The following AKAP13 variants were observed in gnomAD, a reference collection of about 807,000 sequenced individuals.
AKAP13 encodes A-kinase anchoring protein 13, also known as A-kinase anchor protein 13.
AKAP13 carries 80 observed loss-of-function variants against 264.5 expected under a neutral mutation model. The observed-to-expected ratio is 0.30, with a 90% CI of 0.25 to 0.36. The LOEUF (loss-of-function observed/expected upper bound fraction) is 0.36, where lower values mean the gene tolerates loss of function less well. Ranked by LOEUF, AKAP13 falls within the 10% of genes least tolerant of loss-of-function variation. AKAP13 has a pLI of 1.00. For missense variants in AKAP13, 3,712 were observed against 3,435.2 expected (o/e 1.08, Z -2.01); for synonymous variants, 1,380 against 1,250.2 (o/e 1.10, Z -2.19).
At chr15:85,526,530 C>A (rs975574944) in intron 3 of AKAP13, among the ~76,000 whole-genome samples, 10 of 152,134 alleles carry the variant, frequency 6.6e-5, no homozygotes, top group African/African-American at 2.4e-4. Context: ...CTCCACCTAG[C>A]AAAGTGTTGG....
At chr15:85,536,739 G>A (rs1167639619) in intron 4 of AKAP13, 1 of 152,148 alleles carries the variant, frequency 6.6e-6, no homozygotes, top group African/African-American at 2.4e-5. Context: ...TCCATACTAT[G>A]TGATTCTATT....
chr15:85,387,057 C>T (rs1020224216), intron 1 of AKAP13, among the ~76,000 whole-genome samples: 39 of 151,822 alleles, frequency 2.6e-4, no homozygotes, highest in African/African-American at 8.5e-4. Context: ...AGGTCTCAGC[C>T]GGGTGTGGTG....
At chr15:85,435,338 GA>G (rs2073229804) in intron 1 of AKAP13, among the ~76,000 whole-genome samples, 1 of 133,294 alleles carries the variant, frequency 7.5e-6, no homozygotes, top group Non-Finnish European at 1.6e-5. Context: ...ATCTACGTCT[GA>G]TTGGTGTACC....
intron 1 of AKAP13, among the ~76,000 whole-genome samples, chr15:85,439,837 G>T (rs1373990404): frequency 9.7e-6 from 1 of 103,106 alleles, no homozygotes; most frequent in Non-Finnish European, 1.9e-5. Flanking sequence ...GGGGGAGGGG[G>T]GAGGGATAGC....
At chr15:85,699,966 C>T (rs1015654129) in intron 17 of AKAP13, among the ~76,000 whole-genome samples, 2 of 152,116 alleles carry the variant, frequency 1.3e-5, no homozygotes, top group African/African-American at 2.4e-5. Flanking sequence ...ATTTAAGAAC[C>T]GTTGGCTTAT....
intron 14 of AKAP13, among the ~76,000 whole-genome samples, chr15:85,674,779 T>C: frequency 6.6e-6 from 1 of 152,178 alleles, no homozygotes. Context: ...ATCTCTGTTT[T>C]CTGGATTTCT....
chr15:85,484,592 G>A (rs138890816), intron 1 of AKAP13, among the ~76,000 whole-genome samples: 1 of 152,310 alleles, frequency 6.6e-6, no homozygotes, highest in Non-Finnish European at 1.5e-5. Context: ...CATTTAGGAG[G>A]CTGATGTAGA....
At chr15:85,454,546 G>T (rs1046396219) in intron 1 of AKAP13, among the ~76,000 whole-genome samples, 1 of 151,952 alleles carries the variant, frequency 6.6e-6, no homozygotes, top group African/African-American at 2.4e-5. Flanking sequence ...TCAGTTGAAG[G>T]TGTTGTATTT....
At chr15:85,726,951 T>G in intron 27 of AKAP13, 115 bp from the exon 28 acceptor site, 1 of 1,157,290 alleles carries the variant, frequency 8.6e-7, no homozygotes, top group Non-Finnish European at 1.2e-6. Flanking sequence ...GTAGCCCTTG[T>G]TTTTCAAACT....
intron 14 of AKAP13, chr15:85,670,958 C>A (rs1014255121): frequency 6.6e-6 from 1 of 151,938 alleles, no homozygotes; most frequent in African/African-American, 2.4e-5. Flanking sequence ...TGAGAAGCCT[C>A]ATTTTTTATT....
chr15:85,481,522 G>C (rs1041156904), intron 1 of AKAP13, among the ~76,000 whole-genome samples: 1 of 152,166 alleles, frequency 6.6e-6, no homozygotes, highest in Non-Finnish European at 1.5e-5. Context: ...TTATACAGCA[G>C]AAAACTATTA....
chr15:85,432,216 T>A (rs2073055645), intron 1 of AKAP13, among the ~76,000 whole-genome samples: 1 of 152,216 alleles, frequency 6.6e-6, no homozygotes, highest in Non-Finnish European at 1.5e-5. Flanking sequence ...TATAGTTTAT[T>A]TTGGCTGCAA....
In AKAP13 at chr15:85,612,209, T is replaced by C. The variant is rs1235883358; in HGVS notation, c.4161+26386T>C. ...CTCTATTTGCCATGTTTAGTGTTCT[T>C]GGCCCTCAGGTTTTAAAAGTTCTAA... On this transcript the variant is annotated intron_variant, in intron 8 of 36. Transcript: ENST00000394518. 5.9e-5 allele frequency among the ~76,000 whole-genome samples: 9 copies of C among 152,350 alleles called. No homozygotes were observed. The East Asian group carries it at 1.5e-3, about 26-fold the overall frequency.
chr15:85,530,251 C>T (rs1320618197), intron 3 of AKAP13, among the ~76,000 whole-genome samples: 1 of 152,168 alleles, frequency 6.6e-6, no homozygotes, highest in Non-Finnish European at 1.5e-5. Context: ...AGTAAACAGT[C>T]ATTTTAGCAA....
chr15:85,547,083 C>T (rs1008140257), intron 5 of AKAP13, among the ~76,000 whole-genome samples: 1 of 152,178 alleles, frequency 6.6e-6, no homozygotes, highest in Non-Finnish European at 1.5e-5. Flanking sequence ...TTCTTCCCCA[C>T]CCTGCTTTTT....
chr15:85,559,616 A>G (rs1203669259), intron 5 of AKAP13, among the ~76,000 whole-genome samples: 1 of 152,142 alleles, frequency 6.6e-6, no homozygotes, highest in East Asian at 1.9e-4. Context: ...AGATCATCAA[A>G]CATTAGATTC....
rs2079126318 is a variant in AKAP13, at chr15:85,580,416, G to A, written c.2348G>A (p.Ser783Asn). The A allele has an allele frequency of 6.2e-7, 1 of 1,614,116 alleles. No homozygotes were observed. Among genetic ancestry groups the A allele is most frequent in the Non-Finnish European group, 8.5e-7 (1 of 1,180,036 alleles). The change falls in exon 7 of 37, where the codon AGT becomes AAT. Residue 783 changes from serine to asparagine, a missense_variant. Coordinates refer to ENST00000394518, the MANE Select transcript of AKAP13 (RefSeq NM_007200.5). Reference sequence around the variant, plus strand: ...CCAGACCAGGCAGTAATATCAGACAGTACTTTCTCTCTGGCAAACAGTCCA... The same window carrying A: ...CCAGACCAGGCAGTAATATCAGACAATACTTTCTCTCTGGCAAACAGTCCA... Reference protein sequence around the residue: ...LVPDQAVISDSTFSLANSPGS... With the variant: ...LVPDQAVISDNTFSLANSPGS...
intron 17 of AKAP13, 90 bp from the exon 18 acceptor site, chr15:85,707,929 A>G: frequency 1.5e-6 from 2 of 1,330,116 alleles, no homozygotes; most frequent in Middle Eastern, 2.4e-4. Flanking sequence ...TCACTTTGAA[A>G]TTCAGAGGCC....
intron 4 of AKAP13, among the ~76,000 whole-genome samples, chr15:85,541,564 CAG>C (rs1340276865): frequency 2.6e-5 from 4 of 152,140 alleles, no homozygotes; most frequent in Admixed American, 1.3e-4. Context: ...CAAAAAGAAA[CAG>C]GGTGGAGTAA....
Sources: gnomAD v4.1 joint callset for allele counts (sites outside exome capture counted in the v4.1 genomes callset) on GRCh38, gnomAD v4.1.1 for gene constraint, MANE v1.5 for transcripts, NCBI Gene and HGNC (gene_info 2026-07-23, HGNC 2026-07-21) for gene names.